WARS2: variants seen among roughly 807,000 people sequenced by gnomAD.
WARS2 encodes the protein tryptophan--tRNA ligase, mitochondrial.
A neutral mutation model predicts 36.5 loss-of-function variants in WARS2; 28 were observed. The ratio of observed to expected loss-of-function variants is 0.77; its 90% CI spans 0.57 to 1.05. WARS2 has a LOEUF of 1.05. WARS2 is among the 50% of genes least tolerant of loss of function. The probability of loss-of-function intolerance (pLI) is 0.00; values close to 1 mark genes in which losing one functional copy is unlikely to be tolerated. For synonymous variants in WARS2, 174 were observed against 178.4 expected, an observed-to-expected ratio of 0.98 and a Z score of 0.20; for missense variants, 435 against 456.8, an observed-to-expected ratio of 0.95 and a Z score of 0.44.
At chr1:119,079,020 C>A (rs921136434) in intron 1 of WARS2, among the ~76,000 whole-genome samples, 2 of 151,876 alleles carry the variant, frequency 1.3e-5, no homozygotes, top group African/African-American at 2.4e-5. Context: ...CTTTACTCTT[C>A]ACATTTAGGT....
rs190203306 is a variant in WARS2, at chr1:119,039,501, A to G, written c.515+2763T>C. Among the ~76,000 whole-genome samples the G allele has an allele frequency of 1.6e-4, 24 of 152,306 alleles. No homozygotes were observed. The East Asian group carries it at 3.7e-3, about 23-fold the overall frequency. Reference sequence around the variant, plus strand: ...GGAGAAATAAACATTTACTTAATACATAGCCAGCTATTTGAAATTAGGCAT... The same window carrying G: ...GGAGAAATAAACATTTACTTAATACGTAGCCAGCTATTTGAAATTAGGCAT... On this transcript the variant is annotated intron_variant, in intron 4 of 5. Coordinates refer to ENST00000235521, the MANE Select transcript of WARS2 (RefSeq NM_015836.4).
chr1:119,140,368 T>C, intron 1 of WARS2, 187 bp downstream of exon 1: 1 of 441,424 alleles, frequency 2.3e-6, no homozygotes, highest in South Asian at 7.0e-5. Flanking sequence ...AACCTTTACG[T>C]CATCACGTAT....
intron 1 of WARS2, among the ~76,000 whole-genome samples, chr1:119,111,586 G>C (rs1419001027): frequency 6.6e-6 from 1 of 152,148 alleles, no homozygotes; most frequent in Non-Finnish European, 1.5e-5. Flanking sequence ...GGAAGCACTA[G>C]AGGATTTTTC....
At chr1:119,140,376 T>C in intron 1 of WARS2, 179 bp downstream of exon 1, 2 of 465,374 alleles carry the variant, frequency 4.3e-6, no homozygotes, top group South Asian at 5.7e-5. Context: ...CGTCATCACG[T>C]ATCCTTGCAA....
intron 4 of WARS2, 36 bp downstream of exon 4, chr1:119,042,228 G>A (rs1313629746): frequency 6.3e-7 from 1 of 1,590,278 alleles, no homozygotes; most frequent in African/African-American, 1.3e-5. Flanking sequence ...TTGTCACCAT[G>A]AGTATGTATA....
intron 2 of WARS2, among the ~76,000 whole-genome samples, chr1:119,067,214 G>A (rs540963762): frequency 1.3e-5 from 2 of 152,210 alleles, no homozygotes; most frequent in Admixed American, 6.5e-5. Context: ...GATTGTTAAT[G>A]GCTATATTAT....
At chr1:119,100,036 T>C (rs1408237695) in intron 1 of WARS2, among the ~76,000 whole-genome samples, 1 of 152,134 alleles carries the variant, frequency 6.6e-6, no homozygotes, top group Non-Finnish European at 1.5e-5. Context: ...GAGAAGATAG[T>C]TGCAAACTAC....
chr1:119,078,195 T>G (rs1213953820), intron 1 of WARS2, among the ~76,000 whole-genome samples: 1 of 152,198 alleles, frequency 6.6e-6, no homozygotes, highest in Non-Finnish European at 1.5e-5. Flanking sequence ...ATGCTTTGCT[T>G]AGCTACCATC....
chr1:119,072,861 G>T (rs1651431698), intron 2 of WARS2, among the ~76,000 whole-genome samples: 1 of 152,022 alleles, frequency 6.6e-6, no homozygotes, highest in South Asian at 2.1e-4. Context: ...CTTCAACAAA[G>T]AAAATAACAT....
At chr1:119,078,719 T>G (rs914624815) in intron 1 of WARS2, among the ~76,000 whole-genome samples, 7 of 152,222 alleles carry the variant, frequency 4.6e-5, no homozygotes, top group African/African-American at 9.6e-5. Context: ...TTCTAGATGC[T>G]AATATTTTGT....
At chr1:119,086,027 T>C in intron 1 of WARS2, 1 of 1,509,004 alleles carries the variant, frequency 6.6e-7, no homozygotes, top group Non-Finnish European at 9.0e-7. Context: ...CCTGGCTAAT[T>C]TTTTAAATTT....
chr1:119,057,274 TAG>T lies in WARS2; in HGVS notation c.349-11614_349-11613del, dbSNP rs570049435. Among the ~76,000 whole-genome samples the T allele has an allele frequency of 3.2e-4, 49 of 151,940 alleles. 1 individual carries two copies. The highest frequency in any genetic ancestry group is 1.0e-3 in the African/African-American group (43 of 41,484). The stretch of plus-strand genomic sequence containing the variant: ...GATTCTCCTGCCTCAGCCTCCTGAG[TAG>T]CTGGGACTACAAGTGCACACCACCA... On this transcript the variant is annotated intron_variant, in intron 2 of 5. Transcript: ENST00000235521.
intron 1 of WARS2, among the ~76,000 whole-genome samples, chr1:119,105,755 T>C (rs587627652): frequency 6.6e-6 from 1 of 152,178 alleles, no homozygotes; most frequent in South Asian, 2.1e-4. Context: ...CTACTAAAAA[T>C]ACAAAAATTA....
chr1:119,056,495 A>G (rs1458889083), intron 2 of WARS2, among the ~76,000 whole-genome samples: 1 of 148,080 alleles, frequency 6.8e-6, no homozygotes, highest in Non-Finnish European at 1.5e-5. Flanking sequence ...GTCCATATAC[A>G]TTCTATATAT....
chr1:119,096,212 T>A (rs897140342), intron 1 of WARS2, among the ~76,000 whole-genome samples: 13 of 152,236 alleles, frequency 8.5e-5, no homozygotes, highest in Non-Finnish European at 1.9e-4. Context: ...TTTAATACAC[T>A]GAGGAAACAT....
intron 1 of WARS2, among the ~76,000 whole-genome samples, chr1:119,107,884 T>C (rs895486832): frequency 1.3e-5 from 2 of 152,104 alleles, no homozygotes; most frequent in African/African-American, 4.8e-5. Context: ...GTTTTTATCA[T>C]GAATGAGTGT....
At chr1:119,054,828 T>C (rs1649640465) in intron 2 of WARS2, among the ~76,000 whole-genome samples, 1 of 152,214 alleles carries the variant, frequency 6.6e-6, no homozygotes, top group Non-Finnish European at 1.5e-5. Context: ...GATTTATCTG[T>C]ATGAGGTATA....
intron 1 of WARS2, chr1:119,084,983 G>C: frequency 3.9e-6 from 2 of 512,490 alleles, no homozygotes; most frequent in Non-Finnish European, 7.2e-6. Context: ...AATCTACCGA[G>C]CAGCTGAACA....
intron 1 of WARS2, 80 bp downstream of exon 1, chr1:119,140,475 G>C: frequency 7.6e-7 from 1 of 1,324,496 alleles, no homozygotes; most frequent in South Asian, 1.3e-5. Context: ...AGCGGGAGGA[G>C]AGAAATAAAT....
Sources: gnomAD v4.1 joint callset for allele counts (sites outside exome capture counted in the v4.1 genomes callset) on GRCh38, gnomAD v4.1.1 for gene constraint, MANE v1.5 for transcripts, NCBI Gene and HGNC (gene_info 2026-07-23, HGNC 2026-07-21) for gene names.